PDE11A: variants seen among roughly 807,000 people sequenced by gnomAD.
The protein encoded by PDE11A is phosphodiesterase 11A.
Under a neutral mutation model 100.5 loss-of-function variants are expected in PDE11A, and 100 were observed. That is an observed-to-expected ratio of 1.00 (90% CI 0.85 to 1.18). The LOEUF is 1.18. Ranked by LOEUF, PDE11A falls within the 50% of genes most tolerant of loss-of-function variation. The pLI, the probability that PDE11A is intolerant of heterozygous loss-of-function variation, is 0.00. For missense variants in PDE11A, 1,141 were observed against 1,152.6 expected, an observed-to-expected ratio of 0.99 and a Z score of 0.15; for synonymous variants, 381 against 420.8, an observed-to-expected ratio of 0.91 and a Z score of 1.16.
chr2:178,037,251 G>A (rs934854961), intron 1 of PDE11A, among the ~76,000 whole-genome samples: 1 of 152,078 alleles, frequency 6.6e-6, no homozygotes, highest in Non-Finnish European at 1.5e-5. Flanking sequence ...ACATTTATGT[G>A]GCCAACAAAC....
chr2:178,040,539 C>T (rs1455103751), intron 1 of PDE11A, among the ~76,000 whole-genome samples: 2 of 152,158 alleles, frequency 1.3e-5, no homozygotes, highest in Non-Finnish European at 2.9e-5. Context: ...ATGTTCAGCA[C>T]ACATATTGTT....
chr2:178,071,053 T>C (rs1356490769), intron 1 of PDE11A, among the ~76,000 whole-genome samples: 1 of 152,228 alleles, frequency 6.6e-6, no homozygotes, highest in African/African-American at 2.4e-5. Flanking sequence ...AGTTAAGCAC[T>C]TTGTTCTCTT....
chr2:177,939,343 A>G (rs1293536580), intron 2 of PDE11A, among the ~76,000 whole-genome samples: 1 of 143,796 alleles, frequency 7.0e-6, no homozygotes, highest in Non-Finnish European at 1.5e-5. Flanking sequence ...GGAAGGAAGG[A>G]GGGAGGGCGG....
At chr2:177,985,049 C>A (rs760947472) in intron 2 of PDE11A, among the ~76,000 whole-genome samples, 1 of 152,188 alleles carries the variant, frequency 6.6e-6, no homozygotes, top group Non-Finnish European at 1.5e-5. Context: ...GAGAACCTTC[C>A]AACTTCTCTC....
intron 1 of PDE11A, among the ~76,000 whole-genome samples, chr2:178,062,613 C>A (rs909852482): frequency 2.0e-5 from 3 of 152,168 alleles, no homozygotes; most frequent in Admixed American, 2.0e-4. Flanking sequence ...GCCATTACAG[C>A]TGTTATGAAA....
intron 2 of PDE11A, among the ~76,000 whole-genome samples, chr2:177,973,406 C>T (rs2085799474): frequency 4.0e-5 from 1 of 24,936 alleles, no homozygotes; most frequent in Non-Finnish European, 8.4e-5. Context: ...CACCACGAGA[C>T]TATATCCCAC....
chr2:177,671,682 C>A (rs1031939365), intron 17 of PDE11A, among the ~76,000 whole-genome samples: 1 of 151,906 alleles, frequency 6.6e-6, no homozygotes, highest in Admixed American at 6.6e-5. Flanking sequence ...AGGAAAAACA[C>A]GGTTTTGTGT....
At chr2:177,836,589 C>A (rs2083403902) in intron 6 of PDE11A, among the ~76,000 whole-genome samples, 1 of 152,212 alleles carries the variant, frequency 6.6e-6, no homozygotes, top group Non-Finnish European at 1.5e-5. Context: ...TGGCAACCCG[C>A]TTGGGTTCCC....
intron 2 of PDE11A, among the ~76,000 whole-genome samples, chr2:177,984,766 G>A (rs925004633): frequency 1.3e-5 from 2 of 152,148 alleles, no homozygotes; most frequent in African/African-American, 4.8e-5. Flanking sequence ...AGAAAACAGA[G>A]GTATAAGTTA....
At position 177,813,833 on chromosome 2, in the gene PDE11A, G is replaced by T. The variant is rs113008549; in HGVS notation, c.1737+2996C>A. ...TTTCCCTCCACTCTTGTTGCTAACC[G>T]GAAAAAAAAAAAGACACTGCAATAA... On this transcript the variant is annotated intron_variant, in intron 9 of 19. Coordinates refer to ENST00000286063, the MANE Select transcript of PDE11A (RefSeq NM_016953.4). Among the ~76,000 whole-genome samples, 268 of 141,364 alleles carry T rather than the reference G, an allele frequency of 1.9e-3. 1 individual carries two copies. Among genetic ancestry groups the T allele is most frequent in the African/African-American group, 4.9e-3 (179 of 36,490 alleles). 92.7% of individuals were successfully genotyped at this position (141,364 alleles called of 152,430 possible). A position where few individuals can be genotyped will look rare whatever the true frequency, so the allele number is the denominator to read the frequency against.
chr2:177,862,358 C>T lies in PDE11A; in HGVS notation c.1367+13501G>A, dbSNP rs537942334. Among the ~76,000 whole-genome samples, 24 of 151,838 alleles carry T rather than the reference C, an allele frequency of 1.6e-4. No individual in the cohort carries two copies. The East Asian group carries it at 4.6e-3, about 29-fold the overall frequency. On this transcript the variant is annotated intron_variant, in intron 5 of 19. Transcript: ENST00000286063. Reference sequence around the variant, plus strand: ...TGCAAATCAAAACTACAATGAGATGCCTCTCCAAGGAACTGTAAAGTATAC... The same window carrying T: ...TGCAAATCAAAACTACAATGAGATGTCTCTCCAAGGAACTGTAAAGTATAC...
In PDE11A at chr2:177,727,763, T is replaced by A; in HGVS notation, c.1938A>T (p.Thr646=). Reference sequence around the variant, plus strand: ...TCACTGTCAAAAGCCACCTACACAGTGTCTGAAATGGGAGGGAGAGGGTGC... The same window carrying A: ...TCACTGTCAAAAGCCACCTACACAGAGTCTGAAATGGGAGGGAGAGGGTGC... ...MVQKFKIDYE[T]LCRWLLTVRK... is the part of the protein sequence containing the mutation. The change falls in exon 12 of 20, where the codon ACA becomes ACT. Residue 646 remains threonine (T), a splice_region_variant and synonymous_variant. Transcript: ENST00000286063. 6.3e-7 allele frequency: 1 copy of A among 1,576,234 alleles called. No homozygotes were observed. Among genetic ancestry groups the A allele is most frequent in the Non-Finnish European group, 8.7e-7 (1 of 1,145,664 alleles).
At chr2:177,838,671 G>C (rs1385004652) in intron 6 of PDE11A, among the ~76,000 whole-genome samples, 2 of 152,180 alleles carry the variant, frequency 1.3e-5, no homozygotes, top group Non-Finnish European at 2.9e-5. Context: ...TGACCGTTTG[G>C]AGTTCGATGG....
At chr2:177,993,706 G>A (rs982315100) in intron 2 of PDE11A, among the ~76,000 whole-genome samples, 1 of 152,014 alleles carries the variant, frequency 6.6e-6, no homozygotes, top group African/African-American at 2.4e-5. Flanking sequence ...CTAAGTAGTA[G>A]GAATAGTCAA....
At chr2:177,756,897 T>C (rs2082098159) in intron 10 of PDE11A, among the ~76,000 whole-genome samples, 1 of 152,224 alleles carries the variant, frequency 6.6e-6, no homozygotes, top group African/African-American at 2.4e-5. Context: ...GCAAGGTCTG[T>C]TGAAACCTGA....
intron 2 of PDE11A, among the ~76,000 whole-genome samples, chr2:177,969,676 A>G (rs1342473345): frequency 6.6e-6 from 1 of 152,132 alleles, no homozygotes; most frequent in Non-Finnish European, 1.5e-5. Context: ...CAACAATCAG[A>G]TCTTAGTGAC....
At chr2:178,026,974 C>T (rs190497828) in intron 1 of PDE11A, among the ~76,000 whole-genome samples, 121 of 152,176 alleles carry the variant, frequency 8.0e-4, no homozygotes, top group African/African-American at 2.7e-3. Flanking sequence ...TACTCAAACC[C>T]TGCCAAGACA....
chr2:178,105,309 A>C (rs953384510), intron 1 of PDE11A, among the ~76,000 whole-genome samples: 15 of 152,070 alleles, frequency 9.9e-5, no homozygotes, highest in Admixed American at 4.6e-4. Context: ...AAAATACAAA[A>C]ATTAGCCGGG....
At chr2:177,924,873 T>TC (rs1193631843) in intron 2 of PDE11A, among the ~76,000 whole-genome samples, 1 of 123,702 alleles carries the variant, frequency 8.1e-6, no homozygotes, top group Non-Finnish European at 1.7e-5. Context: ...ATGCTATCCC[T>TC]CCCCCCTCCC....
Sources: allele counts gnomAD v4.1 joint callset (sites outside exome capture counted in the v4.1 genomes callset), GRCh38; gene constraint gnomAD v4.1.1; transcripts MANE v1.5; gene names NCBI Gene and HGNC (gene_info 2026-07-23, HGNC 2026-07-21).